MINK1: variants seen among roughly 807,000 people sequenced by gnomAD.
MINK1 encodes the protein misshapen like kinase 1.
A neutral mutation model predicts 178.4 loss-of-function variants in MINK1; 46 were observed. The ratio of observed to expected loss-of-function variants is 0.26; its 90% CI spans 0.20 to 0.33. MINK1 has a LOEUF of 0.33. Among genes scored for constraint, MINK1 ranks in the 10% least tolerant of loss-of-function variants. MINK1 has a pLI of 1.00. For missense variants in MINK1, 1,366 were observed against 1,814.9 expected, an observed-to-expected ratio of 0.75 and a Z score of 4.49; for synonymous variants, 797 against 709.7, an observed-to-expected ratio of 1.12 and a Z score of -1.96.
chr17:4,879,333 T>A (rs896424585), intron 2 of MINK1, among the ~76,000 whole-genome samples: 3 of 152,230 alleles, frequency 2.0e-5, no homozygotes, highest in Admixed American at 1.3e-4. Flanking sequence ...GGCCCGTGGC[T>A]TTTTCATCTC....
chr17:4,891,584 C>A lies in MINK1; in HGVS notation c.1869C>A (p.Ile623=), dbSNP rs1055744559. The change falls in exon 16 of 32, where the codon ATC becomes ATA. Residue 623 remains isoleucine, a synonymous_variant. Transcript: ENST00000355280. Reference sequence around the variant, plus strand: ...CCTCCCATGACCCCGACCCTGCCATCCCCGCACCCACTGCCACGCCCAGTG... The same window carrying A: ...CCTCCCATGACCCCGACCCTGCCATACCCGCACCCACTGCCACGCCCAGTG... ...FPASHDPDPA[I]PAPTATPSAR... 2 of 1,605,820 alleles carry A rather than the reference C, an allele frequency of 1.2e-6. No homozygotes were observed. The highest frequency in any genetic ancestry group is 4.5e-5 in the East Asian group (2 of 44,430).
intron 12 of MINK1, among the ~76,000 whole-genome samples, chr17:4,888,081 T>TGGCGC (rs1013003020): frequency 3.3e-5 from 5 of 151,882 alleles, no homozygotes; most frequent in African/African-American, 1.2e-4. Context: ...CCAGGTGTGG[T>TGGCGC]GGCGCATGCC....
At chr17:4,883,727 A>C (rs1597522720) in intron 4 of MINK1, among the ~76,000 whole-genome samples, 1 of 140,194 alleles carries the variant, frequency 7.1e-6, no homozygotes. Flanking sequence ...TTTAGTAGAG[A>C]CAGGGTTTCA....
Position 4,894,263 on chromosome 17 carries a change from C to G in MINK1, c.2760C>G (p.Thr920=), listed in dbSNP as rs368346071. The G allele has an allele frequency of 1.8e-5, 29 of 1,613,182 alleles. No homozygotes were observed. Among genetic ancestry groups the G allele is most frequent in the African/African-American group, 2.7e-5 (2 of 74,898 alleles). ...TGGTCCAGCCCAGCCACTCACCCAC[C>G]GAGAACAGCAAAGGCCAAAGCCCAC... ...PDVVQPSHSP[T]ENSKGQSPPS... is the part of the protein sequence containing the mutation. Residue 920 remains threonine (T), a synonymous_variant, in exon 23 of 32, where the codon ACC becomes ACG. Transcript: ENST00000355280. This position sits in a 1 kb window ranked among gnomAD's most constrained non-coding sequence, Gnocchi z 4.1.
chr17:4,885,360 GGGT>G lies in MINK1; in HGVS notation c.509-121_509-119del. The G allele has an allele frequency of 7.8e-7, 1 of 1,285,440 alleles. No individual in the cohort carries two copies. The highest frequency in any genetic ancestry group is 1.1e-6 in the Non-Finnish European group (1 of 915,512). The allele number at this position is 1,285,440 out of a possible 1,614,324, so 79.6% of individuals were successfully genotyped here. A position where few individuals can be genotyped will look rare whatever the true frequency, so the allele number is the denominator to read the frequency against. ...GGTGGTGGGGTAAAGGAGGGTGCTG[GGGT>G]GTCTGGGTCGGGCCAGGACCACAGC... On this transcript the variant is annotated intron_variant, in intron 6 of 31. Coordinates refer to ENST00000355280, the MANE Select transcript of MINK1 (RefSeq NM_153827.5). The surrounding 1 kb of genome is among the most constrained non-coding windows in gnomAD (Gnocchi z 5.0).
At chr17:4,842,338 G>A (rs1283518446) in intron 1 of MINK1, among the ~76,000 whole-genome samples, 1 of 152,028 alleles carries the variant, frequency 6.6e-6, no homozygotes, top group East Asian at 1.9e-4. Context: ...TTTTCCACCC[G>A]TATTGCCACT....
At chr17:4,870,070 G>A (rs900787771) in intron 1 of MINK1, among the ~76,000 whole-genome samples, 7 of 151,320 alleles carry the variant, frequency 4.6e-5, no homozygotes, top group Non-Finnish European at 1.0e-4. Flanking sequence ...ATCATGCCCA[G>A]CTAACTTTTT....
At chr17:4,857,592 G>A (rs772892642) in intron 1 of MINK1, among the ~76,000 whole-genome samples, 3 of 143,996 alleles carry the variant, frequency 2.1e-5, no homozygotes, top group African/African-American at 5.1e-5. Flanking sequence ...TCAGCCTCCC[G>A]AGTAGCTGGA....
intron 2 of MINK1, 46 bp downstream of exon 2, chr17:4,878,428 G>A (rs1381335132): frequency 1.3e-6 from 2 of 1,498,410 alleles, no homozygotes; most frequent in Non-Finnish European, 9.0e-7. Context: ...CTGCAGGGCA[G>A]TCTTGGGAGG....
At position 4,896,947 on chromosome 17, in the gene MINK1, T is replaced by TGGTAGTGG; in HGVS notation, c.3915+134_3915+135insGGTAGTGG. 1 of 1,218,226 alleles carries TGGTAGTGG rather than the reference T, an allele frequency of 8.2e-7. No homozygotes were observed. Among genetic ancestry groups the TGGTAGTGG allele is most frequent in the Non-Finnish European group, 1.1e-6 (1 of 893,044 alleles). 75.5% of individuals were successfully genotyped at this position (1,218,226 alleles called of 1,614,324 possible). On this transcript the variant is annotated intron_variant, in intron 31 of 31. Coordinates refer to ENST00000355280, the MANE Select transcript of MINK1 (RefSeq NM_153827.5). This position sits in a 1 kb window ranked among gnomAD's most constrained non-coding sequence, Gnocchi z 4.6. The stretch of plus-strand genomic sequence containing the variant: ...GCCCCTCTGGGAGCTCAGAGGGCAG[T>TGGTAGTGG]CAGCCACTACCACTGCCCTGCGCTC...
intron 1 of MINK1, among the ~76,000 whole-genome samples, chr17:4,864,324 G>A (rs1030890071): frequency 1.3e-5 from 2 of 151,478 alleles, no homozygotes; most frequent in African/African-American, 2.4e-5. Context: ...GCTTGAACCT[G>A]GGAGGCGGAG....
chr17:4,892,063 G>T (rs968408915), intron 16 of MINK1, 86 bp from the exon 17 acceptor site: 1 of 1,097,890 alleles, frequency 9.1e-7, no homozygotes, highest in Admixed American at 2.3e-5. Flanking sequence ...CAAAGTGGGG[G>T]AGCTCACCTC....
intron 1 of MINK1, among the ~76,000 whole-genome samples, chr17:4,863,812 C>T (rs920753926): frequency 4.7e-5 from 7 of 150,504 alleles, no homozygotes; most frequent in South Asian, 2.1e-4. Context: ...ATTTTTGAGA[C>T]GGAGTCTCAC....
intron 4 of MINK1, 107 bp downstream of exon 4, chr17:4,881,364 C>T: frequency 5.5e-6 from 7 of 1,276,450 alleles, no homozygotes; most frequent in Non-Finnish European, 6.4e-6. Context: ...CAGCTACCCT[C>T]CCTCCGGTCT....
At chr17:4,856,630 A>G (rs548277982) in intron 1 of MINK1, 10 of 152,336 alleles carry the variant, frequency 6.6e-5, no homozygotes, top group African/African-American at 2.2e-4. Context: ...ATCTTTATAA[A>G]TATCTAATGA....
intron 1 of MINK1, chr17:4,850,916 C>T (rs772415114): frequency 3.4e-5 from 14 of 412,804 alleles, no homozygotes; most frequent in Admixed American, 8.4e-5. Flanking sequence ...CTCCTTTCTG[C>T]CCCCTCCCAC....
chr17:4,859,433 T>G, intron 1 of MINK1: 1 of 564,906 alleles, frequency 1.8e-6, no homozygotes, highest in Non-Finnish European at 2.2e-6. Context: ...AATTCTGTTC[T>G]CTCTGTGTTG....
At chr17:4,861,582 C>G (rs1484498246) in intron 1 of MINK1, 1 of 201,930 alleles carries the variant, frequency 5.0e-6, no homozygotes, top group African/African-American at 2.4e-5. Flanking sequence ...TTTACTGTAA[C>G]CTCCGCCTCC....
intron 1 of MINK1, among the ~76,000 whole-genome samples, chr17:4,855,069 G>A (rs772569340): frequency 3.5e-4 from 53 of 151,974 alleles, no homozygotes; most frequent in Non-Finnish European, 5.4e-4. Flanking sequence ...TTAGCCGGGC[G>A]TGGTGGTGGG....
Sources: gnomAD v4.1 joint callset for allele counts (sites outside exome capture counted in the v4.1 genomes callset) on GRCh38, gnomAD v4.1.1 for gene constraint, Gnocchi (gnomAD v3.1) non-coding constraint, MANE v1.5 for transcripts, NCBI Gene and HGNC (gene_info 2026-07-23, HGNC 2026-07-21) for gene names.